KCNIP1: variants seen among roughly 807,000 people sequenced by gnomAD.
The protein encoded by KCNIP1 is potassium voltage-gated channel interacting protein 1, also known as A-type potassium channel modulatory protein KCNIP1.
A neutral mutation model predicts 33.0 loss-of-function variants in KCNIP1; 18 were observed. The observed-to-expected ratio is 0.55, with a 90% CI of 0.38 to 0.81. KCNIP1 has a LOEUF of 0.81. Among genes scored for constraint, KCNIP1 ranks in the 30% least tolerant of loss-of-function variants. KCNIP1 has a pLI of 0.00. For synonymous variants in KCNIP1, 93 were observed against 98.3 expected, an observed-to-expected ratio of 0.95 and a Z score of 0.32; for missense variants, 238 against 271.6, an observed-to-expected ratio of 0.88 and a Z score of 0.87.
At chr5:170,627,736 T>C (rs888051490) in intron 1 of KCNIP1, among the ~76,000 whole-genome samples, 2 of 152,204 alleles carry the variant, frequency 1.3e-5, no homozygotes, top group African/African-American at 4.8e-5. Context: ...AGGCTGAGGC[T>C]TGTAGGAGCC....
At chr5:170,547,377 CTTTTAT>C (rs1554100082) in intron 1 of KCNIP1, among the ~76,000 whole-genome samples, 1 of 151,948 alleles carries the variant, frequency 6.6e-6, no homozygotes, top group Non-Finnish European at 1.5e-5. Context: ...CTTTTTTTAA[CTTTTAT>C]TTTAAGTTTA....
At position 170,527,920 on chromosome 5, in the gene KCNIP1, C is replaced by T. The variant is rs535510810; in HGVS notation, c.61+23287C>T. Among the ~76,000 whole-genome samples, 5 of 152,048 alleles carry T rather than the reference C, an allele frequency of 3.3e-5. No individual in the cohort carries two copies. The East Asian group carries it at 5.8e-4, about 18-fold the overall frequency. ...GCACTTAAATTAATAGTTTCATAAG[C>T]GGTTGTTGTCCTGCATTTACAGACA... On this transcript the variant is annotated intron_variant, in intron 1 of 7. Transcript: ENST00000328939.
intron 1 of KCNIP1, among the ~76,000 whole-genome samples, chr5:170,673,772 A>T (rs532855690): frequency 3.3e-5 from 5 of 152,046 alleles, no homozygotes; most frequent in Non-Finnish European, 7.4e-5. Context: ...CGCTTTATTA[A>T]TGTCCCTGTC....
chr5:170,416,835 C>T (rs1755344398), intron 1 of KCNIP1, among the ~76,000 whole-genome samples: 1 of 152,162 alleles, frequency 6.6e-6, no homozygotes, highest in African/African-American at 2.4e-5. Flanking sequence ...GATGGGGAAA[C>T]TGAGGCAGTG....
chr5:170,704,569 C>T (rs910060011), intron 1 of KCNIP1, among the ~76,000 whole-genome samples: 6 of 152,144 alleles, frequency 3.9e-5, no homozygotes, highest in East Asian at 3.9e-4. Flanking sequence ...GACTCTTCAG[C>T]GCCAGCAGGA....
chr5:170,721,835 G>A lies in KCNIP1; in HGVS notation c.259G>A (p.Ala87Thr), dbSNP rs1355031219. 1 of 1,614,006 alleles carries A rather than the reference G, an allele frequency of 6.2e-7. No homozygotes were observed. Among genetic ancestry groups the A allele is most frequent in the African/African-American group, 1.3e-5 (1 of 74,904 alleles). Reference sequence around the variant, plus strand: ...TGCCCTCCTTTTCTGCCTTGTAGATGCCAGCACGTATGCCCATTACCTCTT... The same window carrying A: ...TGCCCTCCTTTTCTGCCTTGTAGATACCAGCACGTATGCCCATTACCTCTT... ...IYAQFFPHGD[A>T]STYAHYLFNA... Residue 87 changes from alanine (A) to threonine (T), a missense_variant and splice_region_variant, in exon 4 of 8, where the codon GCC becomes ACC. By Grantham distance (58) the Ala-to-Thr change is moderately conservative. Coordinates refer to ENST00000328939, the MANE Select transcript of KCNIP1 (RefSeq NM_014592.4).
intron 1 of KCNIP1, among the ~76,000 whole-genome samples, chr5:170,709,018 A>G (rs947824967): frequency 1.3e-5 from 2 of 152,262 alleles, no homozygotes. Flanking sequence ...AAAACAGTCT[A>G]TAACTTCAAT....
chr5:170,610,553 G>A (rs1260106764), intron 1 of KCNIP1, among the ~76,000 whole-genome samples: 1 of 152,184 alleles, frequency 6.6e-6, no homozygotes, highest in African/African-American at 2.4e-5. Context: ...CCAGGACTCT[G>A]GAGCCAGGCT....
intron 1 of KCNIP1, among the ~76,000 whole-genome samples, chr5:170,386,452 T>C (rs1003454701): frequency 6.6e-6 from 1 of 152,186 alleles, no homozygotes; most frequent in Admixed American, 6.5e-5. Context: ...GTCAGGTTTA[T>C]GATCATTTGC....
At chr5:170,720,434 G>A in intron 3 of KCNIP1, 44 bp downstream of exon 3, 2 of 1,453,552 alleles carry the variant, frequency 1.4e-6, no homozygotes, top group Non-Finnish European at 9.7e-7. Flanking sequence ...TCCCTCTCTG[G>A]TAAGCAGCCT....
intron 1 of KCNIP1, among the ~76,000 whole-genome samples, chr5:170,402,728 G>A (rs1168430418): frequency 6.6e-6 from 1 of 152,190 alleles, no homozygotes; most frequent in Non-Finnish European, 1.5e-5. Context: ...GCCCCTGAAG[G>A]CTCAGTGGCT....
intron 1 of KCNIP1, among the ~76,000 whole-genome samples, chr5:170,446,699 C>T (rs1756124960): frequency 6.6e-6 from 1 of 152,176 alleles, no homozygotes; most frequent in African/African-American, 2.4e-5. Flanking sequence ...GCCTCGGCCT[C>T]CCAAAATGCT....
chr5:170,732,625 CTCCCACAATATA>C (rs1425524256), intron 5 of KCNIP1, among the ~76,000 whole-genome samples, 163 bp from the exon 6 acceptor site: 1 of 151,942 alleles, frequency 6.6e-6, no homozygotes, highest in Non-Finnish European at 1.5e-5. Context: ...CTAAGAAGGG[CTCCCACAATATA>C]TCCCCTTCTG....
intron 1 of KCNIP1, among the ~76,000 whole-genome samples, chr5:170,610,473 C>T (rs1456763416): frequency 2.0e-5 from 3 of 152,196 alleles, no homozygotes; most frequent in African/African-American, 7.2e-5. Flanking sequence ...GCATGATGGG[C>T]TGGTTTCATG....
intron 1 of KCNIP1, among the ~76,000 whole-genome samples, chr5:170,646,990 A>G (rs1338844320): frequency 1.3e-5 from 2 of 152,206 alleles, no homozygotes; most frequent in Admixed American, 1.3e-4. Context: ...ACTACCATTT[A>G]CATTGGTAAG....
chr5:170,620,882 C>A (rs1026368088), intron 1 of KCNIP1, among the ~76,000 whole-genome samples: 1 of 152,126 alleles, frequency 6.6e-6, no homozygotes, highest in Non-Finnish European at 1.5e-5. Context: ...AGGGCCCTCC[C>A]CAAGGATGCA....
intron 1 of KCNIP1, among the ~76,000 whole-genome samples, chr5:170,566,554 C>A (rs1757211257): frequency 6.6e-6 from 1 of 152,198 alleles, no homozygotes; most frequent in Admixed American, 6.5e-5. Flanking sequence ...ATGCTTTCCC[C>A]CACACACCAT....
chr5:170,498,007 C>A (rs1581244207), intron 1 of KCNIP1, among the ~76,000 whole-genome samples: 1 of 152,250 alleles, frequency 6.6e-6, no homozygotes, highest in South Asian at 2.1e-4. Flanking sequence ...CAGTCCTGCT[C>A]CCTCCAGAAC....
At chr5:170,587,922 G>A (rs4867986) in intron 1 of KCNIP1, among the ~76,000 whole-genome samples, 147,347 of 152,334 alleles carry the variant, frequency 0.97, 71,457 homozygotes, top group East Asian at 1. Flanking sequence ...CCTTGCCATC[G>A]CCAGCTCAGT....
Sources: gnomAD v4.1 joint callset for allele counts (sites outside exome capture counted in the v4.1 genomes callset) on GRCh38, gnomAD v4.1.1 for gene constraint, MANE v1.5 for transcripts, NCBI Gene and HGNC (gene_info 2026-07-23, HGNC 2026-07-21) for gene names.